Variants in UNC13B observed in about 807,000 individuals in gnomAD.
UNC13B encodes the protein unc-13 homolog B, also known as protein unc-13 homolog B.
In UNC13B, 144 loss-of-function variants were observed where a neutral mutation model predicts 211.0. That is an observed-to-expected ratio of 0.68 (90% confidence interval 0.60 to 0.78). The LOEUF (loss-of-function observed/expected upper bound fraction) is 0.78, where lower values mean the gene tolerates loss of function less well. UNC13B is among the 30% of genes least tolerant of loss of function. The pLI is 0.00. For missense variants in UNC13B, 1,777 were observed against 2,002.0 expected (o/e 0.89, Z 2.14); for synonymous variants, 709 against 725.8 (o/e 0.98, Z 0.37).
intron 11 of UNC13B, among the ~76,000 whole-genome samples, chr9:35,363,245 G>A (rs912683538): frequency 1.3e-5 from 2 of 152,170 alleles, no homozygotes; most frequent in Admixed American, 6.5e-5. Flanking sequence ...GCATTATGGG[G>A]AAACCTGTGG....
At chr9:35,317,562 G>T (rs1372802683) in intron 11 of UNC13B, among the ~76,000 whole-genome samples, 2 of 131,470 alleles carry the variant, frequency 1.5e-5, no homozygotes, top group Non-Finnish European at 3.1e-5. Context: ...TCACTCTGTT[G>T]CCCAGGCTGG....
At chr9:35,243,755 T>C (rs908427530) in intron 6 of UNC13B, among the ~76,000 whole-genome samples, 1 of 152,126 alleles carries the variant, frequency 6.6e-6, no homozygotes, top group Admixed American at 6.6e-5. Flanking sequence ...TTGTTTGTTC[T>C]TGCTGGTCCT....
At chr9:35,353,737 A>T (rs1212155115) in intron 11 of UNC13B, 1 of 1,231,992 alleles carries the variant, frequency 8.1e-7, no homozygotes, top group Admixed American at 4.2e-5. Flanking sequence ...GAGAGAAAAG[A>T]CTAAGGCAGA....
intron 1 of UNC13B, among the ~76,000 whole-genome samples, chr9:35,190,401 C>G (rs2131338636): frequency 6.6e-6 from 1 of 152,316 alleles, no homozygotes; most frequent in Non-Finnish European, 1.5e-5. Context: ...CACACCAAAG[C>G]TCTCTCATAA....
At chr9:35,172,252 A>G (rs369203554) in intron 1 of UNC13B, among the ~76,000 whole-genome samples, 15 of 151,780 alleles carry the variant, frequency 9.9e-5, no homozygotes, top group African/African-American at 3.4e-4. Context: ...AGATAAATTC[A>G]TATAATGTGT....
chr9:35,326,970 T>A (rs1336986991), intron 11 of UNC13B, among the ~76,000 whole-genome samples: 2 of 152,208 alleles, frequency 1.3e-5, no homozygotes, highest in Admixed American at 1.3e-4. Context: ...AAGTCCCTTA[T>A]CAAACATATG....
At position 35,397,736 on chromosome 9, in the gene UNC13B, T is replaced by C. The variant is rs762113277; in HGVS notation, c.11754+24T>C. ...TGGTAGGTTCAGGCCCTGGGACTCTTACAGAAAGAGAGTGGAAGACATTTG... is the reference window on the plus strand; with the variant it reads ...TGGTAGGTTCAGGCCCTGGGACTCTCACAGAAAGAGAGTGGAAGACATTTG... On this transcript the variant is annotated intron_variant, in intron 30 of 39. Transcript: ENST00000635942. 9.9e-6 allele frequency: 16 copies of C among 1,612,254 alleles called. No individual in the cohort carries two copies. The Admixed American group carries it at 2.7e-4, about 27-fold the overall frequency.
At chr9:35,335,063 T>C (rs1185570365) in intron 11 of UNC13B, among the ~76,000 whole-genome samples, 2 of 152,026 alleles carry the variant, frequency 1.3e-5, no homozygotes, top group East Asian at 3.9e-4. Flanking sequence ...TTAAAAAAAT[T>C]AAGTGGTATT....
chr9:35,380,376 T>G, intron 17 of UNC13B, 94 bp from the exon 18 acceptor site: 1 of 1,364,574 alleles, frequency 7.3e-7, no homozygotes, highest in Non-Finnish European at 1.0e-6. Flanking sequence ...GGGCCTCAAG[T>G]GCAGCTGTCG....
intron 7 of UNC13B, among the ~76,000 whole-genome samples, chr9:35,282,550 G>A (rs541737218): frequency 6.6e-6 from 1 of 152,186 alleles, no homozygotes; most frequent in South Asian, 2.1e-4. Flanking sequence ...TCCTGCTTTA[G>A]CCTCCTGAGT....
chr9:35,317,095 T>A (rs1830496809), intron 11 of UNC13B, among the ~76,000 whole-genome samples: 1 of 152,210 alleles, frequency 6.6e-6, no homozygotes, highest in African/African-American at 2.4e-5. Flanking sequence ...TGAATAAGCG[T>A]ACATATGTTG....
In UNC13B at chr9:35,174,324, A is replaced by AT. The variant is rs60213475; in HGVS notation, c.22+12033dup. 3.5e-3 allele frequency among the ~76,000 whole-genome samples: 503 copies of AT among 142,018 alleles called. 2 individuals are homozygous for AT. The highest frequency in any genetic ancestry group is 4.3e-3 in the African/African-American group (165 of 38,808). The allele number at this position is 142,018 out of a possible 152,430, so 93.2% of individuals were successfully genotyped here. ...AGGTGTGTGCCACCACACCCAGCTA[A>AT]TTTTTTTTTTTTTTGTCGGGGGGCA... On this transcript the variant is annotated intron_variant, in intron 1 of 39. Transcript: ENST00000635942.
chr9:35,214,673 A>T (rs545978868), intron 1 of UNC13B, among the ~76,000 whole-genome samples: 1 of 152,092 alleles, frequency 6.6e-6, no homozygotes, highest in Non-Finnish European at 1.5e-5. Context: ...CTAGGGGGGA[A>T]AAAGGAGAGG....
chr9:35,208,614 A>T (rs776217972), intron 1 of UNC13B, among the ~76,000 whole-genome samples: 1 of 152,180 alleles, frequency 6.6e-6, no homozygotes, highest in Non-Finnish European at 1.5e-5. Context: ...AAGCAAGAGC[A>T]AGAGTGGGGA....
chr9:35,360,355 G>A (rs760786157), intron 11 of UNC13B, among the ~76,000 whole-genome samples: 4 of 152,208 alleles, frequency 2.6e-5, no homozygotes, highest in Non-Finnish European at 5.9e-5. Flanking sequence ...CTGGCATCTT[G>A]CTTAACCTCT....
At chr9:35,246,977 A>G (rs2131574388) in intron 6 of UNC13B, among the ~76,000 whole-genome samples, 1 of 152,202 alleles carries the variant, frequency 6.6e-6, no homozygotes, top group South Asian at 2.1e-4. Flanking sequence ...GATTCTTCCT[A>G]TTCATGAGCA....
chr9:35,318,696 G>T (rs767784131), intron 11 of UNC13B, among the ~76,000 whole-genome samples: 20 of 152,024 alleles, frequency 1.3e-4, no homozygotes, highest in African/African-American at 4.6e-4. Flanking sequence ...TGTTCATTTG[G>T]TTGTTTCCAG....
In UNC13B at chr9:35,376,128, A is replaced by C; in HGVS notation, c.9716A>C (p.Tyr3239Ser). 6.2e-7 allele frequency: 1 copy of C among 1,614,230 alleles called. No individual in the cohort carries two copies. Among genetic ancestry groups the C allele is most frequent in the Non-Finnish European group, 8.5e-7 (1 of 1,180,046 alleles). ...FEVWTATTPT[Y>S]CYECEGLLWG... ...GTCTGGACGGCCACTACCCCAACCT[A>C]CTGCTATGAGTGTGAAGGCCTGCTC... is the stretch of plus-strand genomic sequence containing the variant. The change falls in exon 15 of 40, where the codon TAC becomes TCC. Residue 3239 changes from tyrosine to serine, a missense_variant. Physicochemically the swap from Tyr to Ser is moderately radical, Grantham distance 144. Transcript: ENST00000635942.
intron 30 of UNC13B, 47 bp downstream of exon 30, chr9:35,397,759 T>C: frequency 1.3e-6 from 2 of 1,597,098 alleles, no homozygotes; most frequent in Non-Finnish European, 1.7e-6. Flanking sequence ...TGGAAGACAT[T>C]TGAATCCTTG....
Sources: gnomAD v4.1 joint callset for allele counts (sites outside exome capture counted in the v4.1 genomes callset) on GRCh38, gnomAD v4.1.1 for gene constraint, MANE v1.5 for transcripts, NCBI Gene and HGNC (gene_info 2026-07-23, HGNC 2026-07-21) for gene names.